The following ZNF385D variants were observed in gnomAD, a reference collection of about 807,000 sequenced individuals.
ZNF385D encodes zinc finger protein 385D.
In ZNF385D, 15 loss-of-function variants were observed where a neutral mutation model predicts 35.8. That is an observed-to-expected ratio of 0.42 (90% CI 0.28 to 0.64). The LOEUF (loss-of-function observed/expected upper bound fraction) is 0.64, where lower values mean the gene tolerates loss of function less well. Ranked by LOEUF, ZNF385D falls within the 30% of genes least tolerant of loss-of-function variation. The probability of loss-of-function intolerance (pLI) is 0.23; values close to 1 mark genes in which losing one functional copy is unlikely to be tolerated. For missense variants in ZNF385D, 474 were observed against 494.6 expected (o/e 0.96, Z 0.39); for synonymous variants, 212 against 186.8 (o/e 1.13, Z -1.10).
intron 3 of ZNF385D, among the ~76,000 whole-genome samples, chr3:22,163,602 A>C (rs1706113951): frequency 6.6e-6 from 1 of 152,232 alleles, no homozygotes. Flanking sequence ...TTCAAATATC[A>C]AATAATGATA....
intron 4 of ZNF385D, among the ~76,000 whole-genome samples, chr3:21,507,212 C>T (rs550225510): frequency 3.3e-5 from 5 of 151,954 alleles, no homozygotes; most frequent in Non-Finnish European, 7.4e-5. Flanking sequence ...TAGAGAAAAC[C>T]GCCAAATCAA....
chr3:21,790,249 CT>C (rs5847136), intron 3 of ZNF385D, among the ~76,000 whole-genome samples: 36,071 of 79,636 alleles, frequency 0.45, 4,436 homozygotes, highest in East Asian at 0.57. Flanking sequence ...GCATATGTGG[CT>C]TTTTTTCAAT....
chr3:22,226,598 G>T (rs2125289603), intron 2 of ZNF385D, among the ~76,000 whole-genome samples: 1 of 152,184 alleles, frequency 6.6e-6, no homozygotes, highest in Non-Finnish European at 1.5e-5. Context: ...AACTTACCAG[G>T]CAGAACATAA....
intron 3 of ZNF385D, among the ~76,000 whole-genome samples, chr3:21,765,131 CTAA>C (rs1200159690): frequency 2.0e-5 from 3 of 151,736 alleles, no homozygotes; most frequent in Admixed American, 2.0e-4. Context: ...TAAGTTGGTT[CTAA>C]TGTTTTAGAA....
chr3:22,239,245 G>A (rs1299764697), intron 2 of ZNF385D, among the ~76,000 whole-genome samples: 1 of 151,014 alleles, frequency 6.6e-6, no homozygotes, highest in Non-Finnish European at 1.5e-5. Flanking sequence ...AAATGAAATT[G>A]GAACATAGCC....
chr3:22,202,897 G>A (rs1418619809), intron 2 of ZNF385D, among the ~76,000 whole-genome samples: 1 of 152,058 alleles, frequency 6.6e-6, no homozygotes, highest in Non-Finnish European at 1.5e-5. Flanking sequence ...CTTGAGTTTT[G>A]GCAAGACTTG....
At chr3:21,788,290 C>T (rs1173649105) in intron 3 of ZNF385D, among the ~76,000 whole-genome samples, 1 of 152,156 alleles carries the variant, frequency 6.6e-6, no homozygotes, top group African/African-American at 2.4e-5. Context: ...ACCAGCCTGG[C>T]CAATGCGGGG....
At chr3:21,662,761 T>C (rs975598425) in intron 2 of ZNF385D, among the ~76,000 whole-genome samples, 16 of 152,168 alleles carry the variant, frequency 1.1e-4, no homozygotes, top group African/African-American at 3.6e-4. Context: ...CAACACAAGT[T>C]AAAATCCATG....
At chr3:22,205,752 C>T (rs1020492844) in intron 2 of ZNF385D, among the ~76,000 whole-genome samples, 1 of 151,680 alleles carries the variant, frequency 6.6e-6, no homozygotes, top group East Asian at 1.9e-4. Flanking sequence ...AATATTATAA[C>T]AGATACACAA....
At chr3:21,487,018 AGGGTCCCACAT>A (rs1468165227) in intron 4 of ZNF385D, among the ~76,000 whole-genome samples, 1 of 152,130 alleles carries the variant, frequency 6.6e-6, no homozygotes, top group Non-Finnish European at 1.5e-5. Context: ...AATGTAATGC[AGGGTCCCACAT>A]GTGGTATCAA....
intron 3 of ZNF385D, among the ~76,000 whole-genome samples, chr3:21,514,927 A>G (rs909084392): frequency 2.0e-5 from 3 of 152,120 alleles, no homozygotes; most frequent in African/African-American, 7.2e-5. Context: ...GACACCATTA[A>G]ATCTAATAAG....
chr3:21,848,946 T>A (rs1446858227), intron 3 of ZNF385D, among the ~76,000 whole-genome samples: 1 of 152,108 alleles, frequency 6.6e-6, no homozygotes, highest in African/African-American at 2.4e-5. Flanking sequence ...TCCATAAACA[T>A]GAACATTATC....
At chr3:22,140,739 A>G (rs1215096216) in intron 3 of ZNF385D, among the ~76,000 whole-genome samples, 4 of 152,244 alleles carry the variant, frequency 2.6e-5, no homozygotes, top group African/African-American at 7.2e-5. Context: ...GCATTGGAAA[A>G]ATAACATACA....
intron 2 of ZNF385D, among the ~76,000 whole-genome samples, chr3:22,187,106 C>T (rs987854987): frequency 1.1e-4 from 17 of 152,128 alleles, no homozygotes; most frequent in Non-Finnish European, 2.2e-4. Context: ...CACAATCTAA[C>T]ATCTTCCCAC....
chr3:22,006,827 A>C (rs895841136), intron 3 of ZNF385D, among the ~76,000 whole-genome samples: 5 of 152,068 alleles, frequency 3.3e-5, no homozygotes, highest in African/African-American at 9.7e-5. Context: ...ACAGGGACCA[A>C]AAAAGAGTGA....
chr3:21,462,845 G>A (rs1008999051), intron 4 of ZNF385D, among the ~76,000 whole-genome samples: 7 of 152,090 alleles, frequency 4.6e-5, no homozygotes, highest in African/African-American at 7.2e-5. Flanking sequence ...AGCTGGGCAT[G>A]GTGGCTCACA....
chr3:21,578,720 G>C (rs1285920418), intron 2 of ZNF385D, among the ~76,000 whole-genome samples: 3 of 152,086 alleles, frequency 2.0e-5, no homozygotes, highest in South Asian at 4.1e-4. Context: ...GAACCATGCT[G>C]TTTGGGTTTC....
At chr3:21,648,968 C>A (rs1315454986) in intron 2 of ZNF385D, among the ~76,000 whole-genome samples, 1 of 152,114 alleles carries the variant, frequency 6.6e-6, no homozygotes, top group Admixed American at 6.6e-5. Flanking sequence ...GACCAAGTAA[C>A]TTTCCCTACA....
chr3:22,160,724 G>C (rs1705894250), intron 3 of ZNF385D, among the ~76,000 whole-genome samples: 1 of 152,072 alleles, frequency 6.6e-6, no homozygotes, highest in Admixed American at 6.6e-5. Flanking sequence ...TAGAATACTT[G>C]CAGATAAAGC....
Sources: gnomAD v4.1 joint callset for allele counts (sites outside exome capture counted in the v4.1 genomes callset) on GRCh38, gnomAD v4.1.1 for gene constraint, MANE v1.5 for transcripts, NCBI Gene and HGNC (gene_info 2026-07-23, HGNC 2026-07-21) for gene names.